GRIK4: variants seen among roughly 807,000 people sequenced by gnomAD.
GRIK4 encodes glutamate ionotropic receptor kainate type subunit 4.
GRIK4 carries 40 observed loss-of-function variants against 104.9 expected under a neutral mutation model. The observed-to-expected ratio is 0.38, with a 90% CI of 0.30 to 0.50. The LOEUF (loss-of-function observed/expected upper bound fraction) is 0.50, where lower values mean the gene tolerates loss of function less well. GRIK4 is among the 20% of genes least tolerant of loss of function. GRIK4 has a pLI of 0.93. For synonymous variants in GRIK4, 485 were observed against 524.9 expected, an observed-to-expected ratio of 0.92 and a Z score of 1.04; for missense variants, 1,047 against 1,308.1, an observed-to-expected ratio of 0.80 and a Z score of 3.08.
intron 1 of GRIK4, among the ~76,000 whole-genome samples, chr11:120,542,623 A>T (rs1046235123): frequency 6.6e-6 from 1 of 152,268 alleles, no homozygotes; most frequent in African/African-American, 2.4e-5. Context: ...TAACAACCCA[A>T]TTAAAAAATG....
intron 1 of GRIK4, among the ~76,000 whole-genome samples, chr11:120,609,106 G>T (rs1287915314): frequency 6.6e-6 from 1 of 152,170 alleles, no homozygotes; most frequent in Admixed American, 6.5e-5. Context: ...GAAGCCTGGG[G>T]TGGAGGCCCA....
At chr11:120,673,854 T>G (rs763881388) in intron 3 of GRIK4, among the ~76,000 whole-genome samples, 5 of 152,208 alleles carry the variant, frequency 3.3e-5, no homozygotes, top group Non-Finnish European at 5.9e-5. Context: ...CAGTTCTGAC[T>G]GTTTGCTTTT....
intron 1 of GRIK4, chr11:120,620,403 A>G: frequency 1.9e-6 from 1 of 530,522 alleles, no homozygotes; most frequent in Non-Finnish European, 3.4e-6. Context: ...CCCCGTAGCT[A>G]CCATAACCCA....
rs1020307140 is a variant in GRIK4 at position 120,953,089 on chromosome 11, TAGA to T, written c.1700+128_1700+130del. The T allele has an allele frequency of 1.1e-5, 7 of 658,244 alleles. No individual in the cohort carries two copies. Among genetic ancestry groups the T allele is most frequent in the African/African-American group, 7.2e-5 (4 of 55,594 alleles). 40.8% of individuals were successfully genotyped at this position (658,244 alleles called of 1,614,324 possible). A position where few individuals can be genotyped will look rare whatever the true frequency, so the allele number is the denominator to read the frequency against. On this transcript the variant is annotated intron_variant, in intron 15 of 20. Transcript: ENST00000527524. The surrounding 1 kb of genome is among the most constrained non-coding windows in gnomAD (Gnocchi z 4.9). ...AGTTGGGAAGATCTTGGTGCCAAAC[TAGA>T]AGGACAGGAGAAGGACTGGGGGCCT...
chr11:120,910,048 A>G (rs1942957635), intron 13 of GRIK4, among the ~76,000 whole-genome samples: 1 of 152,240 alleles, frequency 6.6e-6, no homozygotes, highest in Non-Finnish European at 1.5e-5. Flanking sequence ...AGGTTGTTAT[A>G]AAGTGAGTCA....
intron 1 of GRIK4, among the ~76,000 whole-genome samples, chr11:120,559,059 C>A (rs779667882): frequency 1.3e-5 from 2 of 152,222 alleles, no homozygotes; most frequent in African/African-American, 4.8e-5. Context: ...GATGGAGAAG[C>A]CTTCTCTGTT....
At chr11:120,751,303 A>G (rs571536136) in intron 3 of GRIK4, among the ~76,000 whole-genome samples, 5 of 152,168 alleles carry the variant, frequency 3.3e-5, no homozygotes, top group Non-Finnish European at 7.4e-5. Context: ...AGGAGGTGCC[A>G]CAGTGCCATT....
At chr11:120,541,895 G>A (rs1948040967) in intron 1 of GRIK4, among the ~76,000 whole-genome samples, 1 of 151,990 alleles carries the variant, frequency 6.6e-6, no homozygotes, top group Admixed American at 6.6e-5. Context: ...TACTCAAAGT[G>A]ATTTACAGAT....
At chr11:120,686,760 A>G (rs907554316) in intron 3 of GRIK4, among the ~76,000 whole-genome samples, 9 of 152,242 alleles carry the variant, frequency 5.9e-5, no homozygotes, top group Non-Finnish European at 1.2e-4. Context: ...ATACATTAAT[A>G]TGAGCTTGCA....
intron 11 of GRIK4, among the ~76,000 whole-genome samples, chr11:120,879,305 C>T (rs1160912991): frequency 1.3e-5 from 2 of 152,188 alleles, no homozygotes; most frequent in African/African-American, 4.8e-5. Context: ...TGCCTGGGTC[C>T]TCATGACCAG....
chr11:120,628,167 A>T (rs1949284879), intron 1 of GRIK4, among the ~76,000 whole-genome samples: 1 of 152,138 alleles, frequency 6.6e-6, no homozygotes, highest in Non-Finnish European at 1.5e-5. Flanking sequence ...AAATGGGGTG[A>T]GAAACTCGGA....
At chr11:120,644,258 A>G (rs971925358) in intron 1 of GRIK4, among the ~76,000 whole-genome samples, 2 of 152,308 alleles carry the variant, frequency 1.3e-5, no homozygotes, top group African/African-American at 4.8e-5. Flanking sequence ...GCAGTGAGGA[A>G]AATGCTCTTT....
At chr11:120,621,401 T>TA (rs1421114318) in intron 1 of GRIK4, among the ~76,000 whole-genome samples, 1 of 152,220 alleles carries the variant, frequency 6.6e-6, no homozygotes, top group Admixed American at 6.5e-5. Context: ...TAGGATAGTG[T>TA]AAGCTTGTTT....
intron 6 of GRIK4, among the ~76,000 whole-genome samples, chr11:120,828,953 G>A (rs924119611): frequency 6.6e-6 from 1 of 152,122 alleles, no homozygotes; most frequent in Admixed American, 6.5e-5. Flanking sequence ...AAGCATCCCC[G>A]GCAGCCTCTG....
At chr11:120,930,002 TG>T (rs61317737) in intron 13 of GRIK4, among the ~76,000 whole-genome samples, 2,326 of 150,320 alleles carry the variant, frequency 0.015, 56 homozygotes, top group African/African-American at 0.05. Flanking sequence ...AGGCCACGTT[TG>T]GGGGGGGGGT....
chr11:120,666,335 G>A lies in GRIK4; in HGVS notation c.82+5935G>A, dbSNP rs148007821. Among the ~76,000 whole-genome samples the A allele has an allele frequency of 1.7e-3, 256 of 152,290 alleles. 3 individuals are homozygous for A. In the East Asian group the frequency reaches 0.018, roughly 11 times the overall value. ...GTGGTCACATCAAAGGGGATGGACC[G>A]ATAAGCATCTGAGGACAGCGTTGGG... On this transcript the variant is annotated intron_variant, in intron 3 of 20. Transcript: ENST00000527524.
intron 1 of GRIK4, among the ~76,000 whole-genome samples, chr11:120,619,457 A>C (rs1030175473): frequency 6.6e-6 from 1 of 152,210 alleles, no homozygotes; most frequent in African/African-American, 2.4e-5. Context: ...TTTGGAAGGC[A>C]TGATTATATT....
intron 12 of GRIK4, among the ~76,000 whole-genome samples, chr11:120,899,631 A>G (rs1440189060): frequency 6.6e-6 from 1 of 152,168 alleles, no homozygotes; most frequent in African/African-American, 2.4e-5. Flanking sequence ...GGATAAGTCA[A>G]GTGCATACAT....
intron 3 of GRIK4, among the ~76,000 whole-genome samples, chr11:120,731,271 T>G (rs1333701878): frequency 6.6e-6 from 1 of 151,950 alleles, no homozygotes; most frequent in East Asian, 1.9e-4. Flanking sequence ...TTTTTTTTTT[T>G]AATCATGAAA....
Sources: allele counts gnomAD v4.1 joint callset (sites outside exome capture counted in the v4.1 genomes callset), GRCh38; gene constraint gnomAD v4.1.1; non-coding constraint Gnocchi (gnomAD v3.1); transcripts MANE v1.5; gene names NCBI Gene and HGNC (gene_info 2026-07-23, HGNC 2026-07-21).